The following KCNJ6 variants were observed in gnomAD, a reference collection of about 807,000 sequenced individuals.
KCNJ6 encodes potassium inwardly rectifying channel subfamily J member 6, also known as G protein-activated inward rectifier potassium channel 2.
Under a neutral mutation model 34.2 loss-of-function variants are expected in KCNJ6, and 9 were observed. The ratio of observed to expected loss-of-function variants is 0.26; its 90% CI spans 0.16 to 0.46. The LOEUF (loss-of-function observed/expected upper bound fraction) is 0.46, where lower values mean the gene tolerates loss of function less well. Ranked by LOEUF, KCNJ6 falls within the 20% of genes least tolerant of loss-of-function variation. The pLI is 1.00. For missense variants in KCNJ6, 236 were observed against 531.3 expected, an observed-to-expected ratio of 0.44 and a Z score of 5.46; for synonymous variants, 196 against 207.1, an observed-to-expected ratio of 0.95 and a Z score of 0.46.
chr21:37,814,553 G>T (rs558692884), intron 2 of KCNJ6, among the ~76,000 whole-genome samples: 5 of 152,260 alleles, frequency 3.3e-5, no homozygotes, highest in South Asian at 2.1e-4. Flanking sequence ...ACAGATGAAT[G>T]GATATAGAAA....
At chr21:37,792,170 A>G (rs1041227583) in intron 2 of KCNJ6, among the ~76,000 whole-genome samples, 1 of 152,232 alleles carries the variant, frequency 6.6e-6, no homozygotes, top group African/African-American at 2.4e-5. Flanking sequence ...GAAATACTTC[A>G]GCCCATGGGC....
chr21:37,915,007 C>T (rs2055886621), intron 1 of KCNJ6, among the ~76,000 whole-genome samples: 1 of 151,930 alleles, frequency 6.6e-6, no homozygotes. Context: ...ACCTCACCCT[C>T]TGTGGCTGTT....
intron 3 of KCNJ6, among the ~76,000 whole-genome samples, chr21:37,672,964 A>C (rs1208519454): frequency 6.6e-6 from 1 of 152,174 alleles, no homozygotes; most frequent in Non-Finnish European, 1.5e-5. Flanking sequence ...TTTTTTGTAG[A>C]GACAGAGTCT....
intron 2 of KCNJ6, among the ~76,000 whole-genome samples, chr21:37,785,973 A>T (rs1162325527): frequency 6.6e-6 from 1 of 152,218 alleles, no homozygotes; most frequent in African/African-American, 2.4e-5. Context: ...ATCTGCCTTG[A>T]TCTTGGACTT....
intron 3 of KCNJ6, among the ~76,000 whole-genome samples, chr21:37,627,109 C>T (rs865868654): frequency 1.3e-5 from 2 of 152,192 alleles, no homozygotes; most frequent in Non-Finnish European, 2.9e-5. Context: ...TCCAGAGCTA[C>T]ACAACATTCC....
At chr21:37,850,456 C>A (rs1430243948) in intron 1 of KCNJ6, among the ~76,000 whole-genome samples, 1 of 151,910 alleles carries the variant, frequency 6.6e-6, no homozygotes. Flanking sequence ...GAGTGCGAAC[C>A]CTATTTGAAC....
In KCNJ6 at chr21:37,616,994, T is replaced by TCTTTCTCTTTC. The variant is rs1446168977; in HGVS notation, c.*8154_*8164dup. 2 of 122,142 alleles carry TCTTTCTCTTTC rather than the reference T, an allele frequency of 1.6e-5. No individual in the cohort carries two copies. Among genetic ancestry groups the TCTTTCTCTTTC allele is most frequent in the African/African-American group, 6.2e-5 (2 of 32,248 alleles). 7.6% of individuals were successfully genotyped at this position (122,142 alleles called of 1,614,324 possible). A position where few individuals can be genotyped will look rare whatever the true frequency, so the allele number is the denominator to read the frequency against. ...ATGTGCGATTTCTTTTCTCTTTCTT[T>TCTTTCTCTTTC]CTTTCTCTTTCTTTTCTCTTTCTTT... On this transcript the variant is annotated 3_prime_UTR_variant, in exon 4 of 4. Coordinates refer to ENST00000609713, the MANE Select transcript of KCNJ6 (RefSeq NM_002240.5).
chr21:37,711,346 G>A (rs1277171373), intron 3 of KCNJ6, among the ~76,000 whole-genome samples: 4 of 152,210 alleles, frequency 2.6e-5, no homozygotes, highest in African/African-American at 4.8e-5. Flanking sequence ...AGAGGGCACC[G>A]CGTGAAGGTG....
rs528916550 is a variant in KCNJ6 at position 37,711,270 on chromosome 21, T to C, written c.946+2941A>G. Among the ~76,000 whole-genome samples the C allele has an allele frequency of 7.0e-4, 106 of 152,166 alleles. 5 individuals are homozygous for C. Among genetic ancestry groups the C allele is most frequent in the Non-Finnish European group, 2.1e-4 (14 of 68,024 alleles). On this transcript the variant is annotated intron_variant, in intron 3 of 3. Coordinates refer to ENST00000609713, the MANE Select transcript of KCNJ6 (RefSeq NM_002240.5). The stretch of plus-strand genomic sequence containing the variant: ...CCCAGGTGGCCTCCTGTGGGACAAC[T>C]CCGGTCTCCGGAAAACACCACGCTG...
intron 2 of KCNJ6, among the ~76,000 whole-genome samples, chr21:37,749,130 TA>T (rs2054982026): frequency 6.6e-6 from 1 of 152,204 alleles, no homozygotes; most frequent in South Asian, 2.1e-4. Context: ...GGTCAATTTC[TA>T]ACTTCTGAGC....
intron 2 of KCNJ6, among the ~76,000 whole-genome samples, chr21:37,729,129 T>C (rs1279542797): frequency 6.6e-6 from 1 of 152,198 alleles, no homozygotes; most frequent in African/African-American, 2.4e-5. Context: ...AGGGTCCTAT[T>C]AGCATTTTAG....
rs913792008 is a variant in KCNJ6, at chr21:37,607,881, TC to T, written c.*17277del. On this transcript the variant is annotated 3_prime_UTR_variant, in exon 4 of 4. Transcript: ENST00000609713. ...TGTTATATTTCTTAATATCCCTAAGTCCCTTCTAAAATAAACTCTTGTTTTG... is the reference window on the plus strand; with the variant it reads ...TGTTATATTTCTTAATATCCCTAAGTCCTTCTAAAATAAACTCTTGTTTTG... 6.6e-6 allele frequency: 1 copy of T among 152,194 alleles called. No homozygotes were observed. Among genetic ancestry groups the T allele is most frequent in the Non-Finnish European group, 1.5e-5 (1 of 68,024 alleles). 9.4% of individuals were successfully genotyped at this position (152,194 alleles called of 1,614,324 possible).
chr21:37,791,802 T>C (rs1458200391), intron 2 of KCNJ6, among the ~76,000 whole-genome samples: 1 of 152,220 alleles, frequency 6.6e-6, no homozygotes, highest in Non-Finnish European at 1.5e-5. Context: ...TTTTTATTGA[T>C]GCATAATAGA....
At chr21:37,640,833 T>C (rs981067092) in intron 3 of KCNJ6, among the ~76,000 whole-genome samples, 2 of 152,226 alleles carry the variant, frequency 1.3e-5, no homozygotes, top group Non-Finnish European at 2.9e-5. Flanking sequence ...ATGAAACTCA[T>C]AGATCCTCTT....
At chr21:37,727,961 T>C (rs1276799473) in intron 2 of KCNJ6, among the ~76,000 whole-genome samples, 1 of 152,220 alleles carries the variant, frequency 6.6e-6, no homozygotes, top group African/African-American at 2.4e-5. Context: ...TTCTGCATCT[T>C]GACTGGTCAA....
intron 2 of KCNJ6, among the ~76,000 whole-genome samples, chr21:37,783,138 G>A (rs2055177445): frequency 6.6e-6 from 1 of 152,158 alleles, no homozygotes. Context: ...ACCAGGCCTT[G>A]AGCTCAAGAA....
Position 37,617,004 on chromosome 21 carries a change from TCTTTTC to T in KCNJ6, c.*8149_*8154del, listed in dbSNP as rs1244800558. Reference sequence around the variant, plus strand: ...TCTTTTCTCTTTCTTTCTTTCTCTTTCTTTTCTCTTTCTTTCTTTCTTTCTTTCTTT... The same window carrying T: ...TCTTTTCTCTTTCTTTCTTTCTCTTTTCTTTCTTTCTTTCTTTCTTTCTTT... On this transcript the variant is annotated 3_prime_UTR_variant, in exon 4 of 4. Coordinates refer to ENST00000609713, the MANE Select transcript of KCNJ6 (RefSeq NM_002240.5). 2.0e-5 allele frequency: 2 copies of T among 98,946 alleles called. No individual in the cohort carries two copies. The highest frequency in any genetic ancestry group is 4.2e-5 in the Non-Finnish European group (2 of 48,118). 6.1% of individuals were successfully genotyped at this position (98,946 alleles called of 1,614,324 possible). A position where few individuals can be genotyped will look rare whatever the true frequency, so the allele number is the denominator to read the frequency against.
rs1350695598 is a variant in KCNJ6, at chr21:37,609,901, G to A, written c.*15258C>T. On this transcript the variant is annotated 3_prime_UTR_variant, in exon 4 of 4. Transcript: ENST00000609713. Reference sequence around the variant, plus strand: ...TCTATCAATGATGCTGACCTTCCTTGGACATTTTTCTACTGCAGAGAAGAC... The same window carrying A: ...TCTATCAATGATGCTGACCTTCCTTAGACATTTTTCTACTGCAGAGAAGAC... 6.6e-6 allele frequency: 1 copy of A among 152,108 alleles called. No individual in the cohort carries two copies. Among genetic ancestry groups the A allele is most frequent in the Non-Finnish European group, 1.5e-5 (1 of 68,034 alleles). The allele number at this position is 152,108 out of a possible 1,614,324, so 9.4% of individuals were successfully genotyped here. A position where few individuals can be genotyped will look rare whatever the true frequency, so the allele number is the denominator to read the frequency against.
chr21:37,785,645 C>T (rs1337180832), intron 2 of KCNJ6, among the ~76,000 whole-genome samples: 6 of 152,190 alleles, frequency 3.9e-5, no homozygotes, highest in African/African-American at 1.4e-4. Flanking sequence ...AATATTATTT[C>T]TTCTAATCTC....
Sources: gnomAD v4.1 joint callset for allele counts (sites outside exome capture counted in the v4.1 genomes callset) on GRCh38, gnomAD v4.1.1 for gene constraint, MANE v1.5 for transcripts, NCBI Gene and HGNC (gene_info 2026-07-23, HGNC 2026-07-21) for gene names.